NFILZ: variants seen among roughly 807,000 people sequenced by gnomAD.
The protein encoded by NFILZ is NFIL3 like basic leucine zipper.
intron 3 of NFILZ, among the ~76,000 whole-genome samples, chr19:8,659,171 TG>T (rs2043018464): frequency 1.3e-5 from 2 of 148,858 alleles, no homozygotes; most frequent in Non-Finnish European, 3.0e-5. Flanking sequence ...CACTTGCACC[TG>T]AGAAGGCGGA....
At chr19:8,637,386 C>T (rs1232159276) in intron 3 of NFILZ, among the ~76,000 whole-genome samples, 4 of 151,922 alleles carry the variant, frequency 2.6e-5, no homozygotes, top group Non-Finnish European at 4.4e-5. Context: ...CCATAGAACT[C>T]AGCAACTCCT....
chr19:8,668,787 G>T (rs2146169570), intron 3 of NFILZ, among the ~76,000 whole-genome samples: 1 of 152,182 alleles, frequency 6.6e-6, no homozygotes, highest in East Asian at 1.9e-4. Flanking sequence ...CTCAGTGTCT[G>T]GGAGGAATGG....
At chr19:8,656,331 CTTCT>C (rs2042995938) in intron 3 of NFILZ, among the ~76,000 whole-genome samples, 21 of 95,138 alleles carry the variant, frequency 2.2e-4, no homozygotes, top group Admixed American at 8.7e-4. Flanking sequence ...CTGAAGCCCC[CTTCT>C]TCCTGAAGCC....
At chr19:8,644,130 C>T (rs2042929646) in intron 3 of NFILZ, among the ~76,000 whole-genome samples, 1 of 152,096 alleles carries the variant, frequency 6.6e-6, no homozygotes, top group Non-Finnish European at 1.5e-5. Context: ...AGATGGAGTC[C>T]TGCTCTGTTA....
At chr19:8,666,279 G>A (rs1380668999) in intron 3 of NFILZ, among the ~76,000 whole-genome samples, 1 of 151,702 alleles carries the variant, frequency 6.6e-6, no homozygotes, top group South Asian at 2.1e-4. Flanking sequence ...GAGTGCAGTG[G>A]TGCCATCACA....
At chr19:8,650,510 C>T (rs189313307) in intron 3 of NFILZ, among the ~76,000 whole-genome samples, 12 of 151,902 alleles carry the variant, frequency 7.9e-5, no homozygotes, top group Middle Eastern at 3.4e-3. Context: ...AAAAATTAGC[C>T]GGGCGTGGTG....
chr19:8,636,949 G>A (rs1312791780), intron 3 of NFILZ, among the ~76,000 whole-genome samples: 1 of 152,194 alleles, frequency 6.6e-6, no homozygotes, highest in Non-Finnish European at 1.5e-5. Context: ...ACTGGAGGGG[G>A]ACAGTCAGGG....
At chr19:8,661,270 C>T (rs905835386) in intron 3 of NFILZ, among the ~76,000 whole-genome samples, 11 of 151,022 alleles carry the variant, frequency 7.3e-5, no homozygotes, top group Non-Finnish European at 1.5e-5. Flanking sequence ...TCAAGCAATC[C>T]TCCCACCTCA....
intron 3 of NFILZ, among the ~76,000 whole-genome samples, chr19:8,658,132 G>T (rs1008823934): frequency 4.6e-5 from 7 of 152,194 alleles, no homozygotes; most frequent in Admixed American, 2.0e-4. Flanking sequence ...TGCCTGGTGT[G>T]TTGAGGGAAG....
chr19:8,635,249 G>T (rs1174920984), intron 2 of NFILZ, among the ~76,000 whole-genome samples: 6 of 149,862 alleles, frequency 4.0e-5, no homozygotes, highest in Admixed American at 1.3e-4. Flanking sequence ...GGCGGAGGTT[G>T]CAGTGAGCCG....
intron 3 of NFILZ, among the ~76,000 whole-genome samples, chr19:8,672,252 C>A (rs1447963264): frequency 6.6e-6 from 1 of 150,568 alleles, no homozygotes; most frequent in Admixed American, 6.6e-5. Context: ...CAAAATAATC[C>A]AGGCATTTAT....
chr19:8,633,877 C>CCTT (rs2042881382), intron 2 of NFILZ, among the ~76,000 whole-genome samples: 3 of 84,462 alleles, frequency 3.6e-5, no homozygotes, highest in Non-Finnish European at 4.9e-5. Flanking sequence ...TAACTTTTCT[C>CCTT]CCTTCCTTCC....
At chr19:8,646,389 CAG>C (rs1555747072) in intron 3 of NFILZ, among the ~76,000 whole-genome samples, 1 of 152,094 alleles carries the variant, frequency 6.6e-6, no homozygotes. Flanking sequence ...AGCTGGGGCG[CAG>C]AGAGGTTAAG....
chr19:8,634,327 C>T (rs1351074472), intron 2 of NFILZ, among the ~76,000 whole-genome samples: 1 of 151,710 alleles, frequency 6.6e-6, no homozygotes, highest in African/African-American at 2.4e-5. Flanking sequence ...GACAGGGTTT[C>T]ACTCTGTTGC....
intron 3 of NFILZ, among the ~76,000 whole-genome samples, chr19:8,648,304 T>C (rs2042951290): frequency 6.6e-6 from 1 of 151,662 alleles, no homozygotes; most frequent in Non-Finnish European, 1.5e-5. Flanking sequence ...CTCGCACATG[T>C]ACCCTGGAAC....
intron 3 of NFILZ, among the ~76,000 whole-genome samples, chr19:8,669,357 G>A (rs1600154476): frequency 2.6e-5 from 4 of 152,272 alleles, no homozygotes; most frequent in Admixed American, 2.6e-4. Flanking sequence ...CAACCAATGA[G>A]GTAGGTACTG....
intron 1 of NFILZ, among the ~76,000 whole-genome samples, chr19:8,632,123 C>T (rs2042872885): frequency 6.6e-6 from 1 of 152,046 alleles, no homozygotes; most frequent in Non-Finnish European, 1.5e-5. Context: ...CCTGCCTTGG[C>T]CTCCCAAAGT....
intron 3 of NFILZ, among the ~76,000 whole-genome samples, chr19:8,667,766 G>A (rs1038539580): frequency 4.0e-5 from 6 of 151,662 alleles, no homozygotes; most frequent in Admixed American, 6.6e-5. Flanking sequence ...GTCTGGTCTC[G>A]AACTCCTGAC....
At chr19:8,672,242 C>T (rs1429001634) in intron 3 of NFILZ, among the ~76,000 whole-genome samples, 7 of 151,288 alleles carry the variant, frequency 4.6e-5, no homozygotes, top group Admixed American at 4.6e-4. Flanking sequence ...TTAGTTCATG[C>T]AAAATAATCC....
Sources: allele counts gnomAD v4.1 joint callset (sites outside exome capture counted in the v4.1 genomes callset), GRCh38; gene constraint gnomAD v4.1.1; transcripts MANE v1.5; gene names NCBI Gene and HGNC (gene_info 2026-07-23, HGNC 2026-07-21).